Variants in MTHFD1L observed in about 807,000 individuals in gnomAD.
MTHFD1L encodes monofunctional C1-tetrahydrofolate synthase, mitochondrial.
In MTHFD1L, 81 loss-of-function variants were observed where a neutral mutation model predicts 119.5. The ratio of observed to expected loss-of-function variants is 0.68; its 90% confidence interval spans 0.57 to 0.82. The LOEUF is 0.82. MTHFD1L is among the 40% of genes least tolerant of loss of function. MTHFD1L has a pLI of 0.00. For synonymous variants in MTHFD1L, 430 were observed against 475.2 expected (o/e 0.90, Z 1.24); for missense variants, 1,125 against 1,253.4 (o/e 0.90, Z 1.55).
At chr6:151,041,463 T>G (rs1202451759) in intron 26 of MTHFD1L, among the ~76,000 whole-genome samples, 6 of 152,168 alleles carry the variant, frequency 3.9e-5, no homozygotes. Flanking sequence ...GAATCACTCT[T>G]CTGCTTAGTC....
rs1798059621 is a variant in MTHFD1L at position 150,972,011 on chromosome 6, T to C, written c.2078T>C (p.Leu693Ser). The change falls in exon 20 of 28, where the codon TTG (leucine) becomes TCG (serine). Residue 693 changes from leucine (L) to serine (S), a missense_variant. Leu to Ser is a moderately radical substitution (Grantham distance 145). Coordinates refer to ENST00000367321, the MANE Select transcript of MTHFD1L (RefSeq NM_015440.5). ...ANIAHGNSSV[L>S]ADKIALKLVG... ...ATTGCTCACGGCAACTCTTCAGTGT[T>C]GGCTGATAAAATTGCCCTGAAACTG... 6.2e-7 allele frequency: 1 copy of C among 1,614,090 alleles called. No homozygotes were observed. The highest frequency in any genetic ancestry group is 8.5e-7 in the Non-Finnish European group (1 of 1,180,044).
At chr6:150,874,694 T>C (rs1216691064) in intron 1 of MTHFD1L, among the ~76,000 whole-genome samples, 2 of 152,028 alleles carry the variant, frequency 1.3e-5, no homozygotes, top group African/African-American at 4.8e-5. Flanking sequence ...GAACATATCA[T>C]AGGGTGGTGG....
intron 26 of MTHFD1L, among the ~76,000 whole-genome samples, chr6:151,060,722 A>C (rs1432185336): frequency 1.3e-5 from 2 of 152,344 alleles, no homozygotes; most frequent in East Asian, 3.9e-4. Context: ...GGGAGGAAAC[A>C]GGAGATTTGG....
At chr6:150,889,176 CA>C (rs57228842) in intron 7 of MTHFD1L, among the ~76,000 whole-genome samples, 6 of 146,382 alleles carry the variant, frequency 4.1e-5, no homozygotes, top group Non-Finnish European at 4.5e-5. Flanking sequence ...GACTCCGTCT[CA>C]AAAAAAAAAG....
chr6:150,876,118 C>A lies in MTHFD1L; in HGVS notation c.256C>A (p.Leu86Ile), dbSNP rs778028489. The A allele has an allele frequency of 4.4e-6, 7 of 1,607,288 alleles. No homozygotes were observed. Among genetic ancestry groups the A allele is most frequent in the South Asian group, 1.1e-5 (1 of 89,164 alleles). ...REVIQNSKEV[L>I]SLLQEKNPAF... ...AGTCATTCAGAATTCAAAAGAAGTT[C>A]TAAGTTTATTGCAAGAAAAAAACCC... The change falls in exon 2 of 28, where the codon CTA becomes ATA. Residue 86 changes from leucine to isoleucine, a missense_variant. Leu to Ile is a conservative substitution (Grantham distance 5). This residue lies in a region of MTHFD1L where 1,058 missense variants were observed against 1,151.2 expected (regional missense o/e 0.92). Coordinates refer to ENST00000367321, the MANE Select transcript of MTHFD1L (RefSeq NM_015440.5).
chr6:150,926,717 A>G lies in MTHFD1L; in HGVS notation c.1256+422A>G, dbSNP rs768359452. On this transcript the variant is annotated intron_variant, in intron 11 of 27. Coordinates refer to ENST00000367321, the MANE Select transcript of MTHFD1L (RefSeq NM_015440.5). This position sits in a 1 kb window ranked among gnomAD's most constrained non-coding sequence, Gnocchi z 4.3. ...ATATGAAACATGTTTTCCTGTTAATATCCTTGATCTTACCTACATATTCAC... is the reference window on the plus strand; with the variant it reads ...ATATGAAACATGTTTTCCTGTTAATGTCCTTGATCTTACCTACATATTCAC... 6.6e-6 allele frequency among the ~76,000 whole-genome samples: 1 copy of G among 152,200 alleles called. No homozygotes were observed. Among genetic ancestry groups the G allele is most frequent in the Non-Finnish European group, 1.5e-5 (1 of 68,042 alleles).
chr6:150,871,149 A>AAT lies in MTHFD1L; in HGVS notation c.228-4931_228-4930dup, dbSNP rs1306171104. ...ATATCTTAATATATATATATAAGGT[A>AAT]ATATATATATACACCTTAATAATAA... On this transcript the variant is annotated intron_variant, in intron 1 of 27. Transcript: ENST00000367321. Among the ~76,000 whole-genome samples the AAT allele has an allele frequency of 5.5e-5, 8 of 145,516 alleles. 1 individual carries two copies. The East Asian group carries it at 9.8e-4, about 18-fold the overall frequency.
In MTHFD1L at chr6:150,880,077, CTAGAACGTTTATCATT is replaced by C. The variant is rs573707772; in HGVS notation, c.417+2253_417+2268del. Among the ~76,000 whole-genome samples, 23 of 152,298 alleles carry C rather than the reference CTAGAACGTTTATCATT, an allele frequency of 1.5e-4. No homozygotes were observed. In the East Asian group the frequency reaches 2.3e-3, roughly 15 times the overall value. On this transcript the variant is annotated intron_variant, in intron 4 of 27. Transcript: ENST00000367321. ...AAATCAGGTTAGTTACATTCATCAC[CTAGAACGTTTATCATT>C]TCTTTGTGGTGATAGCTTTCAAGAT...
At chr6:151,033,316 C>T (rs529329285) in intron 24 of MTHFD1L, among the ~76,000 whole-genome samples, 3 of 152,136 alleles carry the variant, frequency 2.0e-5, no homozygotes, top group South Asian at 2.1e-4. Flanking sequence ...GACGGGGTTT[C>T]ACCATGTTGG....
At chr6:151,083,307 C>T (rs1048735288) in intron 26 of MTHFD1L, among the ~76,000 whole-genome samples, 3 of 152,134 alleles carry the variant, frequency 2.0e-5, no homozygotes, top group Non-Finnish European at 4.4e-5. Context: ...AAGCGATTCT[C>T]CTGCCTCAAC....
intron 20 of MTHFD1L, among the ~76,000 whole-genome samples, chr6:150,984,318 T>C (rs1254765809): frequency 6.6e-6 from 1 of 152,174 alleles, no homozygotes; most frequent in Non-Finnish European, 1.5e-5. Flanking sequence ...TTTTATGACC[T>C]GGCTCAGCAG....
chr6:150,987,148 AG>A (rs1778427754), intron 20 of MTHFD1L, among the ~76,000 whole-genome samples: 1 of 152,230 alleles, frequency 6.6e-6, no homozygotes, highest in Non-Finnish European at 1.5e-5. Flanking sequence ...TATTGTGTAT[AG>A]GATCTTCCCT....
chr6:150,921,173 G>A (rs930240504), intron 9 of MTHFD1L, among the ~76,000 whole-genome samples: 3 of 150,476 alleles, frequency 2.0e-5, no homozygotes, highest in African/African-American at 7.3e-5. Flanking sequence ...AGGCTGGGGT[G>A]CAATGGCACG....
chr6:150,966,044 G>C (rs1437577407), intron 19 of MTHFD1L, among the ~76,000 whole-genome samples: 1 of 152,198 alleles, frequency 6.6e-6, no homozygotes, highest in Admixed American at 6.5e-5. Flanking sequence ...AGAACATTTG[G>C]ACAGAGGGTT....
Position 151,009,847 on chromosome 6 carries a change from C to A in MTHFD1L, c.2154C>A (p.Ile718=). Residue 718 remains isoleucine (I), a synonymous_variant, in exon 21 of 28, where the codon ATC becomes ATA. Coordinates refer to ENST00000367321, the MANE Select transcript of MTHFD1L (RefSeq NM_015440.5). ...VVTEAGFGAD[I]GMEKFFNIKC... is the part of the protein sequence containing the mutation. ...CCGAAGCTGGCTTTGGTGCTGACAT[C>A]GGAATGGAGAAATTCTTCAACATCA... 1 of 1,613,798 alleles carries A rather than the reference C, an allele frequency of 6.2e-7. No individual in the cohort carries two copies. Among genetic ancestry groups the A allele is most frequent in the Non-Finnish European group, 8.5e-7 (1 of 1,179,910 alleles).
chr6:150,985,383 C>T (rs1235257018), intron 20 of MTHFD1L, among the ~76,000 whole-genome samples: 1 of 152,050 alleles, frequency 6.6e-6, no homozygotes, highest in Non-Finnish European at 1.5e-5. Flanking sequence ...GTTTTGAAAA[C>T]TCTCCTTTGA....
At chr6:150,965,404 T>C (rs190005082) in intron 19 of MTHFD1L, among the ~76,000 whole-genome samples, 2,074 of 152,266 alleles carry the variant, frequency 0.014, 21 homozygotes, top group South Asian at 0.036. Flanking sequence ...CTCATGCCTG[T>C]AATCCCAGCA....
chr6:150,876,791 C>T (rs1562297253), intron 2 of MTHFD1L, among the ~76,000 whole-genome samples: 1 of 152,186 alleles, frequency 6.6e-6, no homozygotes, highest in Non-Finnish European at 1.5e-5. Context: ...GACAGTTGGG[C>T]TGCTACCGCA....
At chr6:150,936,539 A>G (rs533423531) in intron 11 of MTHFD1L, among the ~76,000 whole-genome samples, 5 of 152,206 alleles carry the variant, frequency 3.3e-5, no homozygotes, top group South Asian at 4.1e-4. Context: ...GAGTGGTTTT[A>G]TGGCCTTTCT....
Sources: allele counts gnomAD v4.1 joint callset (sites outside exome capture counted in the v4.1 genomes callset), GRCh38; gene constraint gnomAD v4.1.1; regional missense constraint gnomAD v4.1.1; non-coding constraint Gnocchi (gnomAD v3.1); transcripts MANE v1.5; gene names NCBI Gene and HGNC (gene_info 2026-07-23, HGNC 2026-07-21).